Variants in C1GALT1 observed in about 807,000 individuals in gnomAD.
C1GALT1 encodes core 1 synthase, glycoprotein-N-acetylgalactosamine 3-beta-galactosyltransferase 1.
A neutral mutation model predicts 31.0 loss-of-function variants in C1GALT1; 11 were observed. The observed-to-expected ratio is 0.36, with a 90% confidence interval of 0.22 to 0.59. The LOEUF (loss-of-function observed/expected upper bound fraction) is 0.59, where lower values mean the gene tolerates loss of function less well. Among genes scored for constraint, C1GALT1 ranks in the 20% least tolerant of loss-of-function variants. The pLI is 0.79. For missense variants in C1GALT1, 424 were observed against 425.2 expected (o/e 1.00, Z 0.03); for synonymous variants, 175 against 143.6 (o/e 1.22, Z -1.56).
chr7:7,211,831 A>G (rs1782019497), intron 1 of C1GALT1, among the ~76,000 whole-genome samples: 1 of 152,202 alleles, frequency 6.6e-6, no homozygotes, highest in African/African-American at 2.4e-5. Context: ...TCCAAGCTGC[A>G]GAAGATTACC....
chr7:7,228,308 C>G (rs1002599195), intron 1 of C1GALT1, among the ~76,000 whole-genome samples: 1 of 151,914 alleles, frequency 6.6e-6, no homozygotes, highest in Admixed American at 6.6e-5. Context: ...TTTAGTTGTC[C>G]CGGGAGTTCT....
Position 7,243,505 on chromosome 7 carries a change from G to A in C1GALT1, c.889-19G>A, listed in dbSNP as rs748903624. On this transcript the variant is annotated intron_variant, in intron 3 of 3. Coordinates refer to ENST00000436587, the MANE Select transcript of C1GALT1 (RefSeq NM_020156.5). ...AATGTGCTGTTTATTAACAATACCT[G>A]TTTCCACTACTTTTTTAGGGTCCTG... 5 of 1,568,998 alleles carry A rather than the reference G, an allele frequency of 3.2e-6. No individual in the cohort carries two copies. The highest frequency in any genetic ancestry group is 4.3e-6 in the Non-Finnish European group (5 of 1,160,520).
At chr7:7,188,928 C>T (rs543523562) in intron 1 of C1GALT1, among the ~76,000 whole-genome samples, 2 of 152,178 alleles carry the variant, frequency 1.3e-5, no homozygotes, top group South Asian at 2.1e-4. Flanking sequence ...CCCAACGATA[C>T]GAAAGCAGTT....
At chr7:7,200,040 A>C (rs923209989) in intron 1 of C1GALT1, among the ~76,000 whole-genome samples, 2 of 152,170 alleles carry the variant, frequency 1.3e-5, no homozygotes, top group Non-Finnish European at 2.9e-5. Context: ...GCCCATTTAC[A>C]TTTAAAGTTA....
chr7:7,157,930 G>T lies in C1GALT1; in HGVS notation c.-18+504G>T, dbSNP rs922339026. Among the ~76,000 whole-genome samples, 3 of 152,094 alleles carry T rather than the reference G, an allele frequency of 2.0e-5. No homozygotes were observed. The East Asian group carries it at 5.8e-4, about 29-fold the overall frequency. ...TTTCCTCCCAGGCATGTTTCAAATTGTTCTTTATATTTCAGGAACCTCAGT... is the reference window on the plus strand; with the variant it reads ...TTTCCTCCCAGGCATGTTTCAAATTTTTCTTTATATTTCAGGAACCTCAGT... On this transcript the variant is annotated intron_variant, in intron 2 of 3. Transcript: ENST00000429911.
chr7:7,208,051 T>C (rs985869797), intron 1 of C1GALT1, among the ~76,000 whole-genome samples: 2 of 152,186 alleles, frequency 1.3e-5, no homozygotes, highest in Admixed American at 1.3e-4. Context: ...TGAAATCTTG[T>C]TTCAACCTGC....
intron 2 of C1GALT1, among the ~76,000 whole-genome samples, chr7:7,175,683 C>CAAGCAG (rs1780498539): frequency 6.6e-6 from 1 of 152,168 alleles, no homozygotes. Context: ...TATTAGTCTG[C>CAAGCAG]TTGGGCTACT....
At chr7:7,191,923 C>T (rs577157140) in intron 1 of C1GALT1, among the ~76,000 whole-genome samples, 1 of 151,988 alleles carries the variant, frequency 6.6e-6, no homozygotes, top group East Asian at 1.9e-4. Flanking sequence ...CTGTGGCTTG[C>T]CTTTTACTGT....
chr7:7,196,758 A>C (rs1030311758), intron 1 of C1GALT1, among the ~76,000 whole-genome samples: 4 of 152,166 alleles, frequency 2.6e-5, no homozygotes, highest in African/African-American at 9.7e-5. Flanking sequence ...TCGCCATTCT[A>C]ACTGGTGTGA....
At chr7:7,183,987 A>G (rs60600046) in intron 1 of C1GALT1, among the ~76,000 whole-genome samples, 5,776 of 152,256 alleles carry the variant, frequency 0.038, 218 homozygotes, top group African/African-American at 0.1. Context: ...AGTGCGCATA[A>G]TTTCAAGTTG....
At chr7:7,234,178 A>T in intron 1 of C1GALT1, 125 bp from the exon 2 acceptor site, 1 of 699,720 alleles carries the variant, frequency 1.4e-6, no homozygotes, top group Non-Finnish European at 2.4e-6. Flanking sequence ...GGGTAAACTC[A>T]TAGATAATAG....
intron 1 of C1GALT1, among the ~76,000 whole-genome samples, chr7:7,205,149 T>C (rs78882255): frequency 0.035 from 5,343 of 152,168 alleles, 191 homozygotes; most frequent in African/African-American, 0.099. Context: ...TATTTCTCCT[T>C]TCATTTTTTT....
At chr7:7,212,424 T>TG (rs1326812279) in intron 1 of C1GALT1, among the ~76,000 whole-genome samples, 3 of 152,092 alleles carry the variant, frequency 2.0e-5, no homozygotes, top group African/African-American at 7.2e-5. Flanking sequence ...GAAAGAAAAA[T>TG]GGATTCTTAC....
intron 1 of C1GALT1, among the ~76,000 whole-genome samples, chr7:7,213,946 G>A (rs778294103): frequency 6.6e-6 from 1 of 152,160 alleles, no homozygotes; most frequent in South Asian, 2.1e-4. Flanking sequence ...GCAACCCAAA[G>A]CCAATTGGCT....
rs373071031 is a variant in C1GALT1 at position 7,174,876 on chromosome 7, T to C, written c.-18+17450T>C. 1.3e-4 allele frequency among the ~76,000 whole-genome samples: 20 copies of C among 152,332 alleles called. No individual in the cohort carries two copies. The South Asian group carries it at 4.1e-3, about 32-fold the overall frequency. On this transcript the variant is annotated intron_variant, in intron 2 of 3. Coordinates refer to the C1GALT1 transcript ENST00000429911. ...GCTTCCTTTAGTTCACTGTCAATGT[T>C]TTCATTTCCATGTTTAGCATTTTGA...
intron 1 of C1GALT1, among the ~76,000 whole-genome samples, chr7:7,229,792 A>T (rs10278474): frequency 0.3 from 45,831 of 152,112 alleles, 7,862 homozygotes; most frequent in African/African-American, 0.47. Context: ...AGACCCCCTC[A>T]TCAGAGAAAA....
intron 1 of C1GALT1, among the ~76,000 whole-genome samples, chr7:7,201,239 C>T (rs757806261): frequency 3.3e-5 from 5 of 152,202 alleles, no homozygotes; most frequent in African/African-American, 9.7e-5. Context: ...GACCCTCAGC[C>T]GCAGGTCTGT....
At chr7:7,162,045 C>A (rs1186997053) in intron 2 of C1GALT1, among the ~76,000 whole-genome samples, 1 of 150,188 alleles carries the variant, frequency 6.7e-6, no homozygotes, top group Non-Finnish European at 1.5e-5. Context: ...ATAGGTTGCA[C>A]TGGATTTATC....
intron 1 of C1GALT1, among the ~76,000 whole-genome samples, chr7:7,225,010 T>C (rs1782689795): frequency 2.0e-5 from 3 of 148,900 alleles, no homozygotes; most frequent in Admixed American, 2.0e-4. Flanking sequence ...ATTCCCTTCT[T>C]TGTGTCCATA....
Sources: gnomAD v4.1 joint callset for allele counts (sites outside exome capture counted in the v4.1 genomes callset) on GRCh38, gnomAD v4.1.1 for gene constraint, MANE v1.5 for transcripts, NCBI Gene and HGNC (gene_info 2026-07-23, HGNC 2026-07-21) for gene names.